Variants in OPRM1 observed in about 807,000 individuals in gnomAD.
The protein encoded by OPRM1 is mu-type opioid receptor.
In OPRM1, 27 loss-of-function variants were observed where a neutral mutation model predicts 31.8. That is an observed-to-expected ratio of 0.85 (90% CI 0.63 to 1.17). OPRM1 has a LOEUF of 1.17. Among genes scored for constraint, OPRM1 ranks in the 50% most tolerant of loss-of-function variants. OPRM1 has a pLI of 0.00. For synonymous variants in OPRM1, 196 were observed against 189.9 expected (o/e 1.03, Z -0.26); for missense variants, 536 against 511.1 (o/e 1.05, Z -0.47).
In OPRM1 at chr6:154,119,408, A is replaced by C. The variant is rs1251090712; in HGVS notation, c.*687A>C. 4.3e-5 allele frequency: 42 copies of C among 985,266 alleles called. No individual in the cohort carries two copies. Among genetic ancestry groups the C allele is most frequent in the Non-Finnish European group, 4.8e-5 (40 of 829,908 alleles). The allele number at this position is 985,266 out of a possible 1,614,324, so 61.0% of individuals were successfully genotyped here. Reference sequence around the variant, plus strand: ...TTCTCATGCACTGCAAATACTTCCAAAGAGTCATCATGGGGGATTTTTCAT... The same window carrying C: ...TTCTCATGCACTGCAAATACTTCCACAGAGTCATCATGGGGGATTTTTCAT... On this transcript the variant is annotated 3_prime_UTR_variant, in exon 4 of 4. Coordinates refer to ENST00000330432, the MANE Select transcript of OPRM1 (RefSeq NM_000914.5).
intron 3 of OPRM1, among the ~76,000 whole-genome samples, chr6:154,231,708 A>C (rs1779734955): frequency 6.6e-6 from 1 of 152,262 alleles, no homozygotes; most frequent in Non-Finnish European, 1.5e-5. Context: ...ACATGGGAAA[A>C]TAAACCAAAA....
rs577367133 is a variant in OPRM1 at position 154,090,137 on chromosome 6, G to T, written c.602G>T (p.Gly201Val). 1 of 1,613,832 alleles carries T rather than the reference G, an allele frequency of 6.2e-7. No individual in the cohort carries two copies. The highest frequency in any genetic ancestry group is 1.1e-5 in the South Asian group (1 of 91,058). Reference sequence around the variant, plus strand: ...AACTGGATCCTCTCTTCAGCCATTGGTCTTCCTGTAATGTTCATGGCTACA... The same window carrying T: ...AACTGGATCCTCTCTTCAGCCATTGTTCTTCCTGTAATGTTCATGGCTACA... ...VCNWILSSAI[G>V]LPVMFMATTK... is the part of the protein sequence containing the mutation. The change falls in exon 2 of 4, where the codon GGT (glycine) becomes GTT (valine). Residue 201 changes from glycine to valine, a missense_variant. Gly to Val is a moderately radical substitution (Grantham distance 109). Coordinates refer to ENST00000330432, the MANE Select transcript of OPRM1 (RefSeq NM_000914.5).
chr6:154,049,037 TC>T (rs1403977724), intron 1 of OPRM1, among the ~76,000 whole-genome samples: 1 of 152,220 alleles, frequency 6.6e-6, no homozygotes, highest in Non-Finnish European at 1.5e-5. Flanking sequence ...AAAATTTTCA[TC>T]AGCTAATGCA....
rs143491850 is a variant in OPRM1, at chr6:154,233,488, G to T, written c.1165-13205G>T. ...ATATAACTAGATTTAGATCCAGAGA[G>T]ACTTTTTTCTTACAAACACCTAGAA... is the stretch of plus-strand genomic sequence containing the variant. On this transcript the variant is annotated intron_variant, in intron 3 of 3. Coordinates refer to the OPRM1 transcript ENST00000337049. Among the ~76,000 whole-genome samples the T allele has an allele frequency of 3.6e-3, 542 of 152,230 alleles. 3 individuals carry two copies. Among genetic ancestry groups the T allele is most frequent in the African/African-American group, 0.012 (486 of 41,528 alleles).
At chr6:154,199,867 T>C (rs998203573) in intron 3 of OPRM1, 8 of 1,614,068 alleles carry the variant, frequency 5.0e-6, no homozygotes, top group Non-Finnish European at 6.8e-6. Context: ...ACGTTATTGG[T>C]TGTCCCTCAT....
intron 1 of OPRM1, among the ~76,000 whole-genome samples, chr6:154,066,050 G>C (rs1000617265): frequency 2.6e-5 from 4 of 152,076 alleles, no homozygotes; most frequent in African/African-American, 7.2e-5. Flanking sequence ...TCTTCGTTCT[G>C]TTAATCTGAT....
Position 154,048,412 on chromosome 6 carries a change from C to T in OPRM1, c.290+8578C>T, listed in dbSNP as rs576132959. 7.7e-4 allele frequency among the ~76,000 whole-genome samples: 117 copies of T among 152,208 alleles called. 1 individual carries two copies. The highest frequency in any genetic ancestry group is 2.5e-3 in the African/African-American group (105 of 41,534). On this transcript the variant is annotated intron_variant, in intron 1 of 3. Coordinates refer to ENST00000330432, the MANE Select transcript of OPRM1 (RefSeq NM_000914.5). Reference sequence around the variant, plus strand: ...AGCCTCTCCAAAGTACTCCTACAACCAATTTCCCTGCAATATAACCCAAAA... The same window carrying T: ...AGCCTCTCCAAAGTACTCCTACAACTAATTTCCCTGCAATATAACCCAAAA...
intron 3 of OPRM1, among the ~76,000 whole-genome samples, chr6:154,226,923 G>A (rs1482010178): frequency 3.3e-5 from 5 of 152,144 alleles, no homozygotes; most frequent in African/African-American, 1.2e-4. Flanking sequence ...CTGGCCAGGC[G>A]CAGTGGCTCA....
chr6:154,141,172 C>T (rs1450421490), intron 3 of OPRM1, among the ~76,000 whole-genome samples: 1 of 152,194 alleles, frequency 6.6e-6, no homozygotes, highest in Non-Finnish European at 1.5e-5. Flanking sequence ...ATAAAACCTA[C>T]CTCACATAAA....
At chr6:154,153,706 C>T (rs1238011506) in intron 3 of OPRM1, among the ~76,000 whole-genome samples, 2 of 150,544 alleles carry the variant, frequency 1.3e-5, no homozygotes, top group African/African-American at 4.9e-5. Context: ...AAAAAAGCCC[C>T]AGGAGGAGGC....
intron 1 of OPRM1, among the ~76,000 whole-genome samples, chr6:154,016,136 A>G (rs1025795092): frequency 1.3e-5 from 2 of 152,188 alleles, no homozygotes; most frequent in African/African-American, 4.8e-5. Context: ...GCAAAAATCC[A>G]AAATGCACAG....
At chr6:154,095,161 C>A (rs62436467) in intron 3 of OPRM1, among the ~76,000 whole-genome samples, 2,636 of 152,270 alleles carry the variant, frequency 0.017, 36 homozygotes, top group Non-Finnish European at 0.026. Context: ...TGTGGTGGCA[C>A]ATACCTGTAA....
intron 3 of OPRM1, among the ~76,000 whole-genome samples, chr6:154,207,374 C>G (rs2128600148): frequency 6.6e-6 from 1 of 152,274 alleles, no homozygotes; most frequent in East Asian, 1.9e-4. Flanking sequence ...CTACCTTTTT[C>G]TTGTATATAT....
chr6:154,167,325 T>G (rs997812), intron 3 of OPRM1, among the ~76,000 whole-genome samples: 103,512 of 152,062 alleles, frequency 0.68, 36,035 homozygotes, highest in East Asian at 0.89. Flanking sequence ...CCTGTACACT[T>G]TCCCTTATTC....
intron 1 of OPRM1, among the ~76,000 whole-genome samples, chr6:154,059,161 C>A (rs942053213): frequency 6.6e-6 from 1 of 152,102 alleles, no homozygotes; most frequent in Non-Finnish European, 1.5e-5. Flanking sequence ...TTGTGGAAAT[C>A]GGAATGAAGG....
intron 3 of OPRM1, among the ~76,000 whole-genome samples, chr6:154,244,442 C>T (rs942271880): frequency 1.3e-5 from 2 of 152,114 alleles, no homozygotes; most frequent in Admixed American, 6.6e-5. Context: ...TAGCGGCAAG[C>T]TTATTCTCCA....
chr6:154,084,604 T>G (rs1790056530), intron 1 of OPRM1, among the ~76,000 whole-genome samples: 1 of 152,150 alleles, frequency 6.6e-6, no homozygotes, highest in Non-Finnish European at 1.5e-5. Flanking sequence ...AATATGAGTA[T>G]TAAAGTATGA....
chr6:154,145,886 A>G (rs958382595), intron 3 of OPRM1, among the ~76,000 whole-genome samples: 2 of 152,250 alleles, frequency 1.3e-5, no homozygotes, highest in Admixed American at 6.5e-5. Flanking sequence ...TGAAGATAAA[A>G]GTGTTTTCAA....
chr6:154,087,708 C>G (rs769372454), intron 1 of OPRM1: 29 of 475,660 alleles, frequency 6.1e-5, no homozygotes, highest in Admixed American at 1.9e-4. Context: ...GTCTTCACGC[C>G]CTGGACTGGT....
Sources: allele counts gnomAD v4.1 joint callset (sites outside exome capture counted in the v4.1 genomes callset), GRCh38; gene constraint gnomAD v4.1.1; transcripts MANE v1.5; gene names NCBI Gene and HGNC (gene_info 2026-07-23, HGNC 2026-07-21).